Variants in CCDC91 observed in about 807,000 individuals in gnomAD.
CCDC91 encodes coiled-coil domain-containing protein 91.
In CCDC91, 48 loss-of-function variants were observed where a neutral mutation model predicts 63.2. The ratio of observed to expected loss-of-function variants is 0.76; its 90% CI spans 0.60 to 0.97. The LOEUF (loss-of-function observed/expected upper bound fraction) is 0.97, where lower values mean the gene tolerates loss of function less well. CCDC91 is among the 50% of genes least tolerant of loss of function. CCDC91 has a pLI of 0.00. For synonymous variants in CCDC91, 167 were observed against 165.8 expected, an observed-to-expected ratio of 1.01 and a Z score of -0.06; for missense variants, 500 against 494.6, an observed-to-expected ratio of 1.01 and a Z score of -0.10.
chr12:28,456,334 G>A (rs955980830), intron 11 of CCDC91, among the ~76,000 whole-genome samples: 1 of 152,036 alleles, frequency 6.6e-6, no homozygotes, highest in African/African-American at 2.4e-5. Flanking sequence ...GAAAAAGTTT[G>A]GGGTTATATA....
At chr12:28,391,006 A>G (rs545651256) in intron 7 of CCDC91, among the ~76,000 whole-genome samples, 6 of 141,832 alleles carry the variant, frequency 4.2e-5, no homozygotes, top group African/African-American at 1.6e-4. Flanking sequence ...AACCAAATTT[A>G]TATTTAACAG....
chr12:28,508,388 T>C (rs1938992256), intron 12 of CCDC91, among the ~76,000 whole-genome samples: 1 of 151,736 alleles, frequency 6.6e-6, no homozygotes, highest in Non-Finnish European at 1.5e-5. Context: ...GTTTACCTGA[T>C]GGGATAGCAC....
At chr12:28,227,635 A>C (rs1457659485) in intron 1 of CCDC91, among the ~76,000 whole-genome samples, 2 of 151,966 alleles carry the variant, frequency 1.3e-5, no homozygotes, top group Non-Finnish European at 2.9e-5. Flanking sequence ...GAAGGTAGAA[A>C]CCGATGGGAT....
chr12:28,501,115 G>T (rs1443914556), intron 12 of CCDC91, among the ~76,000 whole-genome samples: 3 of 151,654 alleles, frequency 2.0e-5, no homozygotes, highest in Non-Finnish European at 4.4e-5. Context: ...TGGTGATGTA[G>T]CACCAATTCT....
At chr12:28,229,360 G>C (rs1432385212) in intron 1 of CCDC91, among the ~76,000 whole-genome samples, 1 of 152,092 alleles carries the variant, frequency 6.6e-6, no homozygotes, top group African/African-American at 2.4e-5. Flanking sequence ...CTAGGTGTTA[G>C]AAATACAGCA....
intron 11 of CCDC91, among the ~76,000 whole-genome samples, chr12:28,464,328 C>T (rs776947838): frequency 1.3e-5 from 2 of 152,178 alleles, no homozygotes; most frequent in Non-Finnish European, 2.9e-5. Context: ...AGTGGAATGG[C>T]GGTGCATGCA....
intron 7 of CCDC91, among the ~76,000 whole-genome samples, chr12:28,370,644 C>T (rs1351743677): frequency 2.0e-5 from 3 of 152,246 alleles, no homozygotes; most frequent in African/African-American, 7.2e-5. Flanking sequence ...ACTCCCAGTA[C>T]CAATTTTTTG....
chr12:28,488,532 T>G (rs1951838854), intron 12 of CCDC91, among the ~76,000 whole-genome samples: 1 of 151,838 alleles, frequency 6.6e-6, no homozygotes, highest in South Asian at 2.1e-4. Flanking sequence ...ATAATCTTTT[T>G]AGAAATTTCT....
At position 28,390,102 on chromosome 12, in the gene CCDC91, TAGG is replaced by T. The variant is rs1945840808; in HGVS notation, c.655-1199_655-1197del. Reference sequence around the variant, plus strand: ...CTTCATAGTGACGAATACTGAATTGTAGGAGTAGTAGCATCATCAGAGAATCTT... The same window carrying T: ...CTTCATAGTGACGAATACTGAATTGTAGTAGTAGCATCATCAGAGAATCTT... On this transcript the variant is annotated intron_variant, in intron 7 of 12. Transcript: ENST00000536442. Among the ~76,000 whole-genome samples the T allele has an allele frequency of 2.6e-5, 4 of 152,242 alleles. No homozygotes were observed. The South Asian group carries it at 8.3e-4, about 32-fold the overall frequency.
At chr12:28,309,972 G>T (rs1939149169) in intron 6 of CCDC91, among the ~76,000 whole-genome samples, 1 of 151,842 alleles carries the variant, frequency 6.6e-6, no homozygotes, top group Non-Finnish European at 1.5e-5. Flanking sequence ...CTCCACTACA[G>T]TGTAAATTCC....
intron 1 of CCDC91, among the ~76,000 whole-genome samples, chr12:28,194,743 T>C (rs572966106): frequency 7.2e-5 from 11 of 152,064 alleles, no homozygotes; most frequent in Non-Finnish European, 1.3e-4. Flanking sequence ...CCTGAGTTGT[T>C]TGTTCCTCCC....
chr12:28,416,386 A>G (rs1947664098), intron 8 of CCDC91, among the ~76,000 whole-genome samples: 1 of 152,104 alleles, frequency 6.6e-6, no homozygotes, highest in African/African-American at 2.4e-5. Context: ...GTTAGAGAAA[A>G]AAAAACTATT....
intron 8 of CCDC91, among the ~76,000 whole-genome samples, chr12:28,428,665 T>C (rs1948468063): frequency 6.6e-6 from 1 of 151,888 alleles, no homozygotes; most frequent in African/African-American, 2.4e-5. Context: ...AGGCATCGTT[T>C]TTTAATTTTC....
chr12:28,335,449 C>A (rs1380885947), intron 6 of CCDC91, among the ~76,000 whole-genome samples: 1 of 147,582 alleles, frequency 6.8e-6, no homozygotes, highest in Non-Finnish European at 1.5e-5. Context: ...CCAGGTCTTG[C>A]TCTGCTGGAG....
At chr12:28,237,820 A>G (rs1945067364) in intron 1 of CCDC91, among the ~76,000 whole-genome samples, 2 of 152,338 alleles carry the variant, frequency 1.3e-5, no homozygotes, top group African/African-American at 2.4e-5. Flanking sequence ...ATCATAGAAT[A>G]GGAAGGGATC....
intron 11 of CCDC91, among the ~76,000 whole-genome samples, chr12:28,463,417 C>G (rs904305388): frequency 2.0e-5 from 3 of 152,130 alleles, no homozygotes; most frequent in Admixed American, 6.5e-5. Flanking sequence ...ACAAAAAGGA[C>G]AAGAGCTAAA....
At chr12:28,361,653 T>C (rs1943895320) in intron 6 of CCDC91, among the ~76,000 whole-genome samples, 1 of 151,996 alleles carries the variant, frequency 6.6e-6, no homozygotes, top group Admixed American at 6.6e-5. Context: ...TATTGAGTTA[T>C]TAATAGTACA....
chr12:28,415,529 A>C (rs571160280), intron 8 of CCDC91, among the ~76,000 whole-genome samples: 1 of 152,284 alleles, frequency 6.6e-6, no homozygotes, highest in South Asian at 2.1e-4. Context: ...TGTAAAGCGG[A>C]TTTTAAAATG....
chr12:28,543,816 C>T (rs541999806), intron 12 of CCDC91, among the ~76,000 whole-genome samples: 2 of 152,124 alleles, frequency 1.3e-5, no homozygotes, highest in Admixed American at 1.3e-4. Context: ...TCCAGTCTAT[C>T]ATATCTCAGG....
Sources: allele counts gnomAD v4.1 joint callset (sites outside exome capture counted in the v4.1 genomes callset), GRCh38; gene constraint gnomAD v4.1.1; transcripts MANE v1.5; gene names NCBI Gene and HGNC (gene_info 2026-07-23, HGNC 2026-07-21).